The following LMNB2 variants were observed in gnomAD, a reference collection of about 807,000 sequenced individuals.
LMNB2 encodes the protein lamin B2.
LMNB2 carries 17 observed loss-of-function variants against 69.3 expected under a neutral mutation model. That is an observed-to-expected ratio of 0.25 (90% confidence interval 0.17 to 0.37). LMNB2 has a LOEUF of 0.37. LMNB2 is among the 10% of genes least tolerant of loss of function. The probability of loss-of-function intolerance (pLI) is 1.00; values close to 1 mark genes in which losing one functional copy is unlikely to be tolerated. For synonymous variants in LMNB2, 397 were observed against 389.3 expected, an observed-to-expected ratio of 1.02 and a Z score of -0.23; for missense variants, 789 against 883.6, an observed-to-expected ratio of 0.89 and a Z score of 1.36.
In LMNB2 at chr19:2,447,097, TCGCACCA is replaced by T; in HGVS notation, c.265-2564_265-2558del. Among the ~76,000 whole-genome samples the T allele has an allele frequency of 6.6e-6, 1 of 151,652 alleles. No individual in the cohort carries two copies. Among genetic ancestry groups the T allele is most frequent in the East Asian group, 1.9e-4 (1 of 5,174 alleles). On this transcript the variant is annotated intron_variant, in intron 1 of 11. Transcript: ENST00000325327. This position sits in a 1 kb window ranked among gnomAD's most constrained non-coding sequence, Gnocchi z 4.4. The stretch of plus-strand genomic sequence containing the variant: ...AGGTGGAACTTGCAGTGAGCCGAGA[TCGCACCA>T]CTGCCCTCCAGCCTGGGAGACAGAG...
intron 4 of LMNB2, among the ~76,000 whole-genome samples, chr19:2,437,312 G>A (rs1971840028): frequency 6.6e-6 from 1 of 152,252 alleles, no homozygotes; most frequent in Admixed American, 6.5e-5. Flanking sequence ...GCTGGGTGGG[G>A]AGAGCGGGCC....
At chr19:2,446,905 C>G (rs1313142888) in intron 1 of LMNB2, among the ~76,000 whole-genome samples, 1 of 152,154 alleles carries the variant, frequency 6.6e-6, no homozygotes, top group Non-Finnish European at 1.5e-5. Context: ...CTTTGGGAAG[C>G]CGAGGCGGGC....
At chr19:2,434,679 G>A (rs200317330) in intron 6 of LMNB2, 109 bp downstream of exon 6, 40 of 1,511,566 alleles carry the variant, frequency 2.6e-5, no homozygotes, top group South Asian at 1.5e-4. Flanking sequence ...TGGGCGCCCC[G>A]AGGGCTGCAT....
At chr19:2,431,417 T>G in intron 11 of LMNB2, 131 bp downstream of exon 11, 1 of 1,189,230 alleles carries the variant, frequency 8.4e-7, no homozygotes, top group Non-Finnish European at 1.2e-6. Flanking sequence ...AAGGCTGGCT[T>G]CACCCTGAGC....
intron 9 of LMNB2, 78 bp from the exon 10 acceptor site, chr19:2,431,980 CA>C: frequency 6.5e-7 from 1 of 1,534,462 alleles, no homozygotes; most frequent in Non-Finnish European, 8.8e-7. Flanking sequence ...GCCCCTACCA[CA>C]AAGCCCCCTT....
chr19:2,435,302 G>C, intron 4 of LMNB2, 131 bp from the exon 5 acceptor site: 1 of 1,305,378 alleles, frequency 7.7e-7, no homozygotes, highest in South Asian at 1.3e-5. Flanking sequence ...GTTACAAACC[G>C]ATACACGTGC....
In LMNB2 at chr19:2,435,096, AGTC is replaced by A. The variant is rs780771322; in HGVS notation, c.757_759del (p.Asp253del). 3.5e-5 allele frequency: 57 copies of A among 1,610,024 alleles called. No homozygotes were observed. Among genetic ancestry groups the A allele is most frequent in the Non-Finnish European group, 4.6e-5 (54 of 1,179,760 alleles). The stretch of plus-strand genomic sequence containing the variant: ...TCCTCCAGCGCCTGTGCCATCTTGA[AGTC>A]GTACTCCTGCTGCCGGCTGCTGTCC... On this transcript the variant is annotated inframe_deletion, in exon 5 of 12. Coordinates refer to ENST00000325327, the MANE Select transcript of LMNB2 (RefSeq NM_032737.4).
intron 2 of LMNB2, among the ~76,000 whole-genome samples, chr19:2,439,621 C>G (rs1011490589): frequency 3.9e-5 from 6 of 152,310 alleles, no homozygotes; most frequent in Non-Finnish European, 7.3e-5. Context: ...GCCAAGGCTG[C>G]TGGCTGGACA....
At chr19:2,431,008 C>T (rs996710708) in intron 11 of LMNB2, 56 bp from the exon 12 acceptor site, 20 of 1,228,540 alleles carry the variant, frequency 1.6e-5, no homozygotes, top group East Asian at 4.6e-5. Context: ...TGGAGGCAGC[C>T]GGCAGGTAGA....
chr19:2,434,994 G>A lies in LMNB2; in HGVS notation c.855+7C>T, dbSNP rs1277612773. 6.2e-7 allele frequency: 1 copy of A among 1,604,382 alleles called. No individual in the cohort carries two copies. The highest frequency in any genetic ancestry group is 8.5e-7 in the Non-Finnish European group (1 of 1,178,656). On this transcript the variant is annotated splice_region_variant and intron_variant, in intron 5 of 11. Coordinates refer to ENST00000325327, the MANE Select transcript of LMNB2 (RefSeq NM_032737.4). Reference sequence around the variant, plus strand: ...GCCGCCCCCGCCCACCCGCCTGCCGGCCACACCTTGGCCTGGTAGGTCTGC... The same window carrying A: ...GCCGCCCCCGCCCACCCGCCTGCCGACCACACCTTGGCCTGGTAGGTCTGC...
At chr19:2,448,398 A>G (rs1320930892) in intron 1 of LMNB2, among the ~76,000 whole-genome samples, 1 of 152,202 alleles carries the variant, frequency 6.6e-6, no homozygotes, top group Non-Finnish European at 1.5e-5. Context: ...AGGGGCCAGG[A>G]TGAACAAAAC....
At position 2,430,879 on chromosome 19, in the gene LMNB2, T is replaced by C; in HGVS notation, c.*32A>G. ...AAAAATAGTTTTCAGTGGCTCTGGG[T>C]AAAGAAAGGTGTGTGGATGAGGAGT... is the stretch of plus-strand genomic sequence containing the variant. On this transcript the variant is annotated 3_prime_UTR_variant, in exon 12 of 12. Coordinates refer to ENST00000325327, the MANE Select transcript of LMNB2 (RefSeq NM_032737.4). 1 of 1,419,198 alleles carries C rather than the reference T, an allele frequency of 7.0e-7. No homozygotes were observed. The highest frequency in any genetic ancestry group is 1.0e-6 in the Non-Finnish European group (1 of 1,002,210). 87.9% of individuals were successfully genotyped at this position (1,419,198 alleles called of 1,614,324 possible).
At chr19:2,431,741 C>T in intron 10 of LMNB2, 42 bp downstream of exon 10, 1 of 1,613,632 alleles carries the variant, frequency 6.2e-7, no homozygotes, top group Non-Finnish European at 8.5e-7. Flanking sequence ...CAGACCCTGC[C>T]CAGGACTCCA....
In LMNB2 at chr19:2,430,562, G is replaced by C. The variant is rs899636851; in HGVS notation, c.*349C>G. ...CCTACGCAGTTTCCGCGCTCCGTCC[G>C]CAGCAGGGCCGTCTCCTGTCCCCTC... On this transcript the variant is annotated 3_prime_UTR_variant, in exon 12 of 12. Transcript: ENST00000325327. 4 of 399,040 alleles carry C rather than the reference G, an allele frequency of 1.0e-5. No homozygotes were observed. The highest frequency in any genetic ancestry group is 7.3e-5 in the Admixed American group (2 of 27,530). The allele number at this position is 399,040 out of a possible 1,614,324, so 24.7% of individuals were successfully genotyped here.
chr19:2,436,970 G>A (rs972860971), intron 4 of LMNB2: 2 of 152,284 alleles, frequency 1.3e-5, no homozygotes, highest in Non-Finnish European at 2.9e-5. Flanking sequence ...GCTCTCGTGA[G>A]TCTCTTCACG....
chr19:2,431,417 T>A, intron 11 of LMNB2, 131 bp downstream of exon 11: 1 of 1,189,230 alleles, frequency 8.4e-7, no homozygotes, highest in African/African-American at 1.5e-5. Flanking sequence ...AAGGCTGGCT[T>A]CACCCTGAGC....
intron 1 of LMNB2, among the ~76,000 whole-genome samples, chr19:2,448,017 A>G (rs1318904049): frequency 6.6e-6 from 1 of 152,210 alleles, no homozygotes; most frequent in Non-Finnish European, 1.5e-5. Flanking sequence ...GGTCCTAGAC[A>G]TATCAGGTCT....
rs150005305 is a variant in LMNB2 at position 2,452,621 on chromosome 19, G to A, written c.264+4049C>T. 4.5e-3 allele frequency among the ~76,000 whole-genome samples: 675 copies of A among 151,488 alleles called. 7 individuals are homozygous for A. The highest frequency in any genetic ancestry group is 0.016 in the African/African-American group (653 of 41,216). ...CACGCCTGTAATCCCAGCTACTTAG[G>A]AGGGTGAGGCAGGAGAATTGCTTGA... On this transcript the variant is annotated intron_variant, in intron 1 of 11. Transcript: ENST00000325327.
In LMNB2 at chr19:2,430,215, C is replaced by T. The variant is rs942406769; in HGVS notation, c.*696G>A. 1.3e-5 allele frequency: 2 copies of T among 158,298 alleles called. No homozygotes were observed. Among genetic ancestry groups the T allele is most frequent in the African/African-American group, 4.8e-5 (2 of 41,494 alleles). The allele number at this position is 158,298 out of a possible 1,614,324, so 9.8% of individuals were successfully genotyped here. A position where few individuals can be genotyped will look rare whatever the true frequency, so the allele number is the denominator to read the frequency against. ...CATTCTTCCTTCCCCAGGTCTTCCC[C>T]TCCCCTGCCCTGTTGGCCTTGCACA... On this transcript the variant is annotated 3_prime_UTR_variant, in exon 12 of 12. Coordinates refer to ENST00000325327, the MANE Select transcript of LMNB2 (RefSeq NM_032737.4).
Sources: gnomAD v4.1 joint callset for allele counts (sites outside exome capture counted in the v4.1 genomes callset) on GRCh38, gnomAD v4.1.1 for gene constraint, Gnocchi (gnomAD v3.1) non-coding constraint, MANE v1.5 for transcripts, NCBI Gene and HGNC (gene_info 2026-07-23, HGNC 2026-07-21) for gene names.